Variants in CCDC42 observed in about 807,000 individuals in gnomAD.
CCDC42 encodes coiled-coil domain containing 42, also known as coiled-coil domain-containing protein 42.
Under a neutral mutation model 40.8 loss-of-function variants are expected in CCDC42, and 38 were observed. The ratio of observed to expected loss-of-function variants is 0.93; its 90% CI spans 0.72 to 1.22. CCDC42 has a LOEUF of 1.22. Ranked by LOEUF, CCDC42 falls within the 50% of genes most tolerant of loss-of-function variation. The probability of loss-of-function intolerance (pLI) is 0.00; values close to 1 mark genes in which losing one functional copy is unlikely to be tolerated. For synonymous variants in CCDC42, 135 were observed against 157.5 expected (o/e 0.86, Z 1.07); for missense variants, 379 against 416.5 (o/e 0.91, Z 0.78).
In CCDC42 at chr17:8,741,554, C is replaced by A. The variant is rs766609337; in HGVS notation, c.412G>T (p.Glu138Ter). ...RKQEMVALRL[E>*]HQRLSAKLKD... ...AGCTTGGCGCTCAGCCGCTGGTGCT[C>A]CAGCCGCAGCGCCACCATCTCCTGC... is the stretch of plus-strand genomic sequence containing the variant. Residue 138 changes from glutamate (E) to a stop codon, truncating the protein, a stop_gained, in exon 4 of 7, where the codon GAG (glutamate) becomes TAG (stop). Transcript: ENST00000293845. LOFTEE classifies it high-confidence loss of function. 6.8e-6 allele frequency: 11 copies of A among 1,614,106 alleles called. 1 individual carries two copies. Among genetic ancestry groups the A allele is most frequent in the Non-Finnish European group, 9.3e-6 (11 of 1,180,046 alleles).
At chr17:8,740,669 C>G (rs552792795) in intron 4 of CCDC42, among the ~76,000 whole-genome samples, 2 of 152,058 alleles carry the variant, frequency 1.3e-5, no homozygotes, top group African/African-American at 4.8e-5. Context: ...GGAGGGGCAT[C>G]GGCAGTGTCA....
At chr17:8,744,049 C>G in intron 2 of CCDC42, 30 bp downstream of exon 2, 1 of 1,478,736 alleles carries the variant, frequency 6.8e-7, no homozygotes. Flanking sequence ...TCCTTTCCTG[C>G]CCCTCTGCAC....
At chr17:8,737,599 G>A (rs62067542) in intron 4 of CCDC42, among the ~76,000 whole-genome samples, 2,125 of 152,312 alleles carry the variant, frequency 0.014, 27 homozygotes, top group South Asian at 0.027. Flanking sequence ...AATAAATGAG[G>A]AAGGGTTGCT....
At chr17:8,739,118 A>T (rs1308743873) in intron 4 of CCDC42, among the ~76,000 whole-genome samples, 1 of 152,076 alleles carries the variant, frequency 6.6e-6, no homozygotes, top group Non-Finnish European at 1.5e-5. Flanking sequence ...AAAAAGAGAA[A>T]GAGAGGGGGG....
At chr17:8,744,215 G>C in intron 1 of CCDC42, 31 bp from the exon 2 acceptor site, 1 of 1,550,762 alleles carries the variant, frequency 6.4e-7, no homozygotes, top group Non-Finnish European at 8.9e-7. Flanking sequence ...AGAGGGCTGT[G>C]TGTTCTGACA....
chr17:8,744,642 C>G lies in CCDC42; in HGVS notation c.-33G>C. 6.6e-7 allele frequency: 1 copy of G among 1,522,258 alleles called. No homozygotes were observed. Among genetic ancestry groups the G allele is most frequent in the South Asian group, 1.1e-5 (1 of 89,348 alleles). The allele number at this position is 1,522,258 out of a possible 1,614,324, so 94.3% of individuals were successfully genotyped here. ...GTGACCTCACGGCCCAGGCAGCTGA[C>G]TCTTCACAGTGAAATTGTGGGTAGC... On this transcript the variant is annotated 5_prime_UTR_variant, in exon 1 of 7. Transcript: ENST00000293845.
intron 3 of CCDC42, among the ~76,000 whole-genome samples, 196 bp downstream of exon 3, chr17:8,743,430 G>A (rs112127634): frequency 0.021 from 3,187 of 152,258 alleles, 54 homozygotes; most frequent in Non-Finnish European, 0.029. Context: ...AGACTGATAG[G>A]TAAATGGAAA....
intron 4 of CCDC42, among the ~76,000 whole-genome samples, chr17:8,739,160 C>G (rs148408853): frequency 5.2e-4 from 79 of 152,042 alleles, no homozygotes; most frequent in Middle Eastern, 3.4e-3. Flanking sequence ...TGGCCAGGAA[C>G]GACGCCAGAG....
intron 4 of CCDC42, among the ~76,000 whole-genome samples, chr17:8,741,105 C>T (rs1455092428): frequency 1.3e-5 from 2 of 152,216 alleles, no homozygotes; most frequent in Admixed American, 1.3e-4. Flanking sequence ...TGCTGACACA[C>T]ACCCACACAC....
intron 6 of CCDC42, among the ~76,000 whole-genome samples, chr17:8,734,303 C>T (rs1444909739): frequency 6.6e-6 from 1 of 152,102 alleles, no homozygotes; most frequent in African/African-American, 2.4e-5. Context: ...TCTGGGAATC[C>T]TCAATAAACT....
At position 8,741,496 on chromosome 17, in the gene CCDC42, T is replaced by C. The variant is rs770326047; in HGVS notation, c.470A>G (p.Glu157Gly). Residue 157 changes from glutamate (E) to glycine (G), a missense_variant, in exon 4 of 7, where the codon GAG (glutamate) becomes GGG (glycine). By Grantham distance (98) the Glu-to-Gly change is moderately conservative. Transcript: ENST00000293845. ...CACCTCGGAGTTCTCCACCACCTTCTCTAGGTACTTGTTGAAGATGTAGTA... is the reference window on the plus strand; with the variant it reads ...CACCTCGGAGTTCTCCACCACCTTCCCTAGGTACTTGTTGAAGATGTAGTA... ...KDYYIFNKYL[E>G]KVVENSEFEE... The C allele has an allele frequency of 2.2e-5, 35 of 1,614,102 alleles. No individual in the cohort carries two copies. In the Admixed American group the frequency reaches 4.0e-4, roughly 18 times the overall value.
At chr17:8,732,248 G>A (rs12946260) in intron 6 of CCDC42, among the ~76,000 whole-genome samples, 9 of 127,730 alleles carry the variant, frequency 7.0e-5, no homozygotes, top group South Asian at 2.6e-4. Context: ...GCAGTGAGCC[G>A]AGATCACACC....
intron 6 of CCDC42, among the ~76,000 whole-genome samples, chr17:8,730,507 T>C (rs1288858255): frequency 2.0e-5 from 3 of 151,996 alleles, no homozygotes; most frequent in African/African-American, 7.3e-5. Flanking sequence ...GCCCAGCTAA[T>C]TTTTGTGTTT....
chr17:8,738,666 G>A (rs547074141), intron 4 of CCDC42, among the ~76,000 whole-genome samples: 1 of 152,020 alleles, frequency 6.6e-6, no homozygotes, highest in South Asian at 2.1e-4. Flanking sequence ...GGGTTTCACC[G>A]TGTTGGCCAG....
In CCDC42 at chr17:8,731,563, T is replaced by C. The variant is rs1352541557; in HGVS notation, c.874-1356A>G. Among the ~76,000 whole-genome samples the C allele has an allele frequency of 3.3e-5, 5 of 152,204 alleles. No individual in the cohort carries two copies. The East Asian group carries it at 9.6e-4, about 29-fold the overall frequency. ...GGTACTTATACACCACGGAATACTATGTAGCCATAAAAAAGAATGAGATCA... is the reference window on the plus strand; with the variant it reads ...GGTACTTATACACCACGGAATACTACGTAGCCATAAAAAAGAATGAGATCA... On this transcript the variant is annotated intron_variant, in intron 6 of 6. Coordinates refer to ENST00000293845, the MANE Select transcript of CCDC42 (RefSeq NM_144681.3).
rs1478051312 is a variant in CCDC42 at position 8,735,037 on chromosome 17, C to T, written c.873+59G>A. ...CAGGTTCATTCTTCCACCCAACCAA[C>T]TGGCAACCTCCTCGGCCCAGCCGAC... On this transcript the variant is annotated intron_variant, in intron 6 of 6. Transcript: ENST00000293845. This position sits in a 1 kb window ranked among gnomAD's most constrained non-coding sequence, Gnocchi z 4.7. 6 of 1,591,204 alleles carry T rather than the reference C, an allele frequency of 3.8e-6. No homozygotes were observed. The highest frequency in any genetic ancestry group is 5.2e-6 in the Non-Finnish European group (6 of 1,163,544).
chr17:8,740,635 G>T (rs1475979904), intron 4 of CCDC42, among the ~76,000 whole-genome samples: 1 of 152,168 alleles, frequency 6.6e-6, no homozygotes, highest in African/African-American at 2.4e-5. Flanking sequence ...GTGCCACTGA[G>T]TTGAGGGCAG....
At chr17:8,732,216 G>A (rs1032909698) in intron 6 of CCDC42, among the ~76,000 whole-genome samples, 66 of 149,696 alleles carry the variant, frequency 4.4e-4, no homozygotes, top group Admixed American at 3.4e-4. Flanking sequence ...GGAGAATGGC[G>A]TGAACCTGGG....
rs1424864420 is a variant in CCDC42, at chr17:8,735,161, C to T, written c.808G>A (p.Val270Met). ...KMATLNLFQI[V>M]SKHLKEVTEV... is the part of the protein sequence containing the mutation. ...GTCACCTCCTTCAGGTGCTTGCTCA[C>T]GATCTGGAAGAGGTTCAGCGTGGCC... The change falls in exon 6 of 7, where the codon GTG becomes ATG. Residue 270 changes from valine (V) to methionine (M), a missense_variant. Val to Met is a conservative substitution (Grantham distance 21). Coordinates refer to ENST00000293845, the MANE Select transcript of CCDC42 (RefSeq NM_144681.3). This position sits in a 1 kb window ranked among gnomAD's most constrained non-coding sequence, Gnocchi z 4.7. 1.2e-5 allele frequency: 20 copies of T among 1,614,044 alleles called. No individual in the cohort carries two copies. The highest frequency in any genetic ancestry group is 3.3e-5 in the South Asian group (3 of 91,090).
Sources: gnomAD v4.1 joint callset for allele counts (sites outside exome capture counted in the v4.1 genomes callset) on GRCh38, gnomAD v4.1.1 for gene constraint, Gnocchi (gnomAD v3.1) non-coding constraint, MANE v1.5 for transcripts, NCBI Gene and HGNC (gene_info 2026-07-23, HGNC 2026-07-21) for gene names.